HMX3: variants seen among roughly 807,000 people sequenced by gnomAD.
HMX3 encodes the protein homeobox protein HMX3.
A neutral mutation model predicts 22.8 loss-of-function variants in HMX3; 8 were observed. The ratio of observed to expected loss-of-function variants is 0.35; its 90% CI spans 0.21 to 0.63. The LOEUF (loss-of-function observed/expected upper bound fraction) is 0.63, where lower values mean the gene tolerates loss of function less well. HMX3 is among the 30% of genes least tolerant of loss of function. HMX3 has a pLI of 0.72. For missense variants in HMX3, 527 were observed against 520.6 expected (o/e 1.01, Z -0.12); for synonymous variants, 331 against 250.9 (o/e 1.32, Z -3.02).
rs2133550492 is a variant in HMX3 at position 123,138,230 on chromosome 10, ACCTCCG to A, written c.*505_*510del. 7.2e-6 allele frequency among the ~76,000 whole-genome samples: 1 copy of A among 139,110 alleles called. No homozygotes were observed. Among genetic ancestry groups the A allele is most frequent in the South Asian group, 2.3e-4 (1 of 4,428 alleles). The allele number at this position is 139,110 out of a possible 152,430, so 91.3% of individuals were successfully genotyped here. On this transcript the variant is annotated 3_prime_UTR_variant, in exon 2 of 2. Transcript: ENST00000357878. Reference sequence around the variant, plus strand: ...AGTGGCGCGATCTCGGCTCACTTCGACCTCCGCCTCCCGGGTTCAAGTGATTCTCCT... The same window carrying A: ...AGTGGCGCGATCTCGGCTCACTTCGACCTCCCGGGTTCAAGTGATTCTCCT...
rs1844079505 is a variant in HMX3 at position 123,136,671 on chromosome 10, C to T, written c.400+221C>T. Among the ~76,000 whole-genome samples the T allele has an allele frequency of 6.6e-6, 1 of 152,206 alleles. No homozygotes were observed. On this transcript the variant is annotated intron_variant, in intron 1 of 1. Transcript: ENST00000357878. The surrounding 1 kb of genome is among the most constrained non-coding windows in gnomAD (Gnocchi z 4.8). ...TGGAATTGGAGCCCCGGGCACGGTGCTTCCCGGGAAAAGTGGCCTCGGGCG... is the reference window on the plus strand; with the variant it reads ...TGGAATTGGAGCCCCGGGCACGGTGTTTCCCGGGAAAAGTGGCCTCGGGCG...
At position 123,136,356 on chromosome 10, in the gene HMX3, G is replaced by A. The variant is rs780845468; in HGVS notation, c.306G>A (p.Arg102=). ...AFPRFEIPAQ[R]FALPAHYLER... is the part of the protein sequence containing the mutation. Reference sequence around the variant, plus strand: ...CTCGCTTTGAGATCCCGGCGCAGAGGTTTGCCCTGCCCGCGCACTACCTGG... The same window carrying A: ...CTCGCTTTGAGATCCCGGCGCAGAGATTTGCCCTGCCCGCGCACTACCTGG... Residue 102 remains arginine (R), a synonymous_variant, in exon 1 of 2, where the codon AGG becomes AGA. Transcript: ENST00000357878. This position sits in a 1 kb window ranked among gnomAD's most constrained non-coding sequence, Gnocchi z 4.8. 6.4e-7 allele frequency: 1 copy of A among 1,571,580 alleles called. No individual in the cohort carries two copies. The highest frequency in any genetic ancestry group is 1.2e-5 in the South Asian group (1 of 86,760).
Position 123,136,200 on chromosome 10 carries a change from G to T in HMX3, c.150G>T (p.Pro50=). Residue 50 remains proline (P), a synonymous_variant, in exon 1 of 2, where the codon CCG becomes CCT. Coordinates refer to ENST00000357878, the MANE Select transcript of HMX3 (RefSeq NM_001105574.2). The surrounding 1 kb of genome is among the most constrained non-coding windows in gnomAD (Gnocchi z 4.8). ...DHHRPPPKPQ[P]PPRTLFAPAS... ...ACCGGCCGCCCCCTAAGCCTCAGCC[G>T]CCCCCACGGACGCTCTTCGCGCCAG... is the stretch of plus-strand genomic sequence containing the variant. The T allele has an allele frequency of 7.8e-7, 1 of 1,275,576 alleles. No homozygotes were observed. 79.0% of individuals were successfully genotyped at this position (1,275,576 alleles called of 1,614,324 possible). A position where few individuals can be genotyped will look rare whatever the true frequency, so the allele number is the denominator to read the frequency against.
Position 123,136,732 on chromosome 10 carries a change from C to G in HMX3, c.400+282C>G, listed in dbSNP as rs1187929781. Among the ~76,000 whole-genome samples the G allele has an allele frequency of 2.6e-5, 4 of 152,048 alleles. No individual in the cohort carries two copies. Among genetic ancestry groups the G allele is most frequent in the Non-Finnish European group, 4.4e-5 (3 of 67,984 alleles). Reference sequence around the variant, plus strand: ...GGCTTCGGACGGCCGGGGCTTGGGACACGGCCTGGAAGGAGGGGGTGATTC... The same window carrying G: ...GGCTTCGGACGGCCGGGGCTTGGGAGACGGCCTGGAAGGAGGGGGTGATTC... On this transcript the variant is annotated intron_variant, in intron 1 of 1. Transcript: ENST00000357878. The surrounding 1 kb of genome is among the most constrained non-coding windows in gnomAD (Gnocchi z 4.8).
chr10:123,137,698 G>C lies in HMX3; in HGVS notation c.1041G>C (p.Val347=), dbSNP rs1025628892. Reference sequence around the variant, plus strand: ...ACCCCGTCTACTACTCGCACCCGGTGGTCTCTTCCGTGCCGCTGCTACGGC... The same window carrying C: ...ACCCCGTCTACTACTCGCACCCGGTCGTCTCTTCCGTGCCGCTGCTACGGC... ...FPHPVYYSHP[V]VSSVPLLRPV is the part of the protein sequence containing the mutation. Residue 347 remains valine (V), a synonymous_variant, in exon 2 of 2, where the codon GTG becomes GTC. Coordinates refer to ENST00000357878, the MANE Select transcript of HMX3 (RefSeq NM_001105574.2). The surrounding 1 kb of genome is among the most constrained non-coding windows in gnomAD (Gnocchi z 5.8). The C allele has an allele frequency of 2.7e-6, 4 of 1,464,566 alleles. No individual in the cohort carries two copies. The highest frequency in any genetic ancestry group is 5.3e-5 in the Admixed American group (2 of 37,962). 90.7% of individuals were successfully genotyped at this position (1,464,566 alleles called of 1,614,324 possible).
chr10:123,136,139 C>T lies in HMX3; in HGVS notation c.89C>T (p.Pro30Leu). Residue 30 changes from proline (P) to leucine (L), a missense_variant, in exon 1 of 2, where the codon CCG (proline) becomes CTG (leucine). Physicochemically the swap from Pro to Leu is moderately conservative, Grantham distance 98. Around this residue, in one of 3 missense-constraint regions of HMX3, gnomAD observed 386 missense variants for 337.8 expected, o/e 1.14. Transcript: ENST00000357878. This position sits in a 1 kb window ranked among gnomAD's most constrained non-coding sequence, Gnocchi z 4.8. ...CCCCCACCCGCTCCCAAGGAGTCCC[C>T]GTTCTCCATCAAGAACCTGCTCAAC... ...PPPPPAPKES[P>L]FSIKNLLNGD... 1 of 1,410,354 alleles carries T rather than the reference C, an allele frequency of 7.1e-7. No individual in the cohort carries two copies. The highest frequency in any genetic ancestry group is 1.7e-5 in the South Asian group (1 of 60,602). The allele number at this position is 1,410,354 out of a possible 1,614,324, so 87.4% of individuals were successfully genotyped here. A position where few individuals can be genotyped will look rare whatever the true frequency, so the allele number is the denominator to read the frequency against.
rs570489977 is a variant in HMX3, at chr10:123,136,510, G to A, written c.400+60G>A. 6 of 1,243,498 alleles carry A rather than the reference G, an allele frequency of 4.8e-6. No individual in the cohort carries two copies. The highest frequency in any genetic ancestry group is 3.8e-5 in the Admixed American group (1 of 26,274). 77.0% of individuals were successfully genotyped at this position (1,243,498 alleles called of 1,614,324 possible). On this transcript the variant is annotated intron_variant, in intron 1 of 1. Coordinates refer to ENST00000357878, the MANE Select transcript of HMX3 (RefSeq NM_001105574.2). This position sits in a 1 kb window ranked among gnomAD's most constrained non-coding sequence, Gnocchi z 4.8. ...TGCGCGCCCGCCCCGTCCCCGCCCC[G>A]CGCTGCTTCCCTCCGCAGTTCTGGG... is the stretch of plus-strand genomic sequence containing the variant.
Position 123,136,251 on chromosome 10 carries a change from T to TGCCGCTGCCGCG in HMX3, c.204_215dup (p.Ala70_Ala73dup). The TGCCGCTGCCGCG allele has an allele frequency of 3.0e-6, 4 of 1,353,718 alleles. No individual in the cohort carries two copies. In the Admixed American group the frequency reaches 1.2e-4, roughly 40 times the overall value. 83.9% of individuals were successfully genotyped at this position (1,353,718 alleles called of 1,614,324 possible). A position where few individuals can be genotyped will look rare whatever the true frequency, so the allele number is the denominator to read the frequency against. ...CCTCGGCTGCCGCCGCCGCCGCCGC[T>TGCCGCTGCCGCG]GCCGCTGCCGCGGCGGCCAAGGGGG... On this transcript the variant is annotated inframe_insertion, in exon 1 of 2. Transcript: ENST00000357878. This position sits in a 1 kb window ranked among gnomAD's most constrained non-coding sequence, Gnocchi z 4.8.
In HMX3 at chr10:123,136,965, G is replaced by A; in HGVS notation, c.401-93G>A. 2 of 1,418,380 alleles carry A rather than the reference G, an allele frequency of 1.4e-6. No homozygotes were observed. Among genetic ancestry groups the A allele is most frequent in the Non-Finnish European group, 1.9e-6 (2 of 1,071,708 alleles). The allele number at this position is 1,418,380 out of a possible 1,614,324, so 87.9% of individuals were successfully genotyped here. On this transcript the variant is annotated intron_variant, in intron 1 of 1. Coordinates refer to ENST00000357878, the MANE Select transcript of HMX3 (RefSeq NM_001105574.2). The surrounding 1 kb of genome is among the most constrained non-coding windows in gnomAD (Gnocchi z 4.8). ...CCTCATGGCCTGGGACCTGGAGGCC[G>A]GCGCGGGTTGAGCCTGCCGTCCCCA...
rs1456528864 is a variant in HMX3, at chr10:123,138,306, C to A, written c.*575C>A. On this transcript the variant is annotated 3_prime_UTR_variant, in exon 2 of 2. Coordinates refer to ENST00000357878, the MANE Select transcript of HMX3 (RefSeq NM_001105574.2). ...CTGGGATTGCAGGTGTGTGCCACCA[C>A]GTCCGGCTAATTTTTGTATTTTTAG... Among the ~76,000 whole-genome samples the A allele has an allele frequency of 1.3e-5, 2 of 151,990 alleles. No individual in the cohort carries two copies. The highest frequency in any genetic ancestry group is 2.4e-5 in the African/African-American group (1 of 41,366).
chr10:123,136,068 G>T lies in HMX3; in HGVS notation c.18G>T (p.Pro6=). The T allele has an allele frequency of 7.2e-7, 1 of 1,392,732 alleles. No homozygotes were observed. Among genetic ancestry groups the T allele is most frequent in the Non-Finnish European group, 9.3e-7 (1 of 1,071,576 alleles). The allele number at this position is 1,392,732 out of a possible 1,614,324, so 86.3% of individuals were successfully genotyped here. Residue 6 remains proline (P), a synonymous_variant, in exon 1 of 2, where the codon CCG becomes CCT. Coordinates refer to ENST00000357878, the MANE Select transcript of HMX3 (RefSeq NM_001105574.2). The surrounding 1 kb of genome is among the most constrained non-coding windows in gnomAD (Gnocchi z 4.8). MPEPG[P]DAAGTASAQP... The stretch of plus-strand genomic sequence containing the variant: ...AGGGGACCATGCCGGAACCCGGGCC[G>T]GACGCTGCCGGCACCGCCAGCGCAC...
Position 123,137,265 on chromosome 10 carries a change from C to T in HMX3, c.608C>T (p.Ala203Val), listed in dbSNP as rs1462108156. The T allele has an allele frequency of 6.3e-7, 1 of 1,591,532 alleles. No homozygotes were observed. Among genetic ancestry groups the T allele is most frequent in the Non-Finnish European group, 8.6e-7 (1 of 1,169,310 alleles). Residue 203 changes from alanine to valine, a missense_variant, in exon 2 of 2, where the codon GCG becomes GTG. Coordinates refer to ENST00000357878, the MANE Select transcript of HMX3 (RefSeq NM_001105574.2). This position sits in a 1 kb window ranked among gnomAD's most constrained non-coding sequence, Gnocchi z 5.8. The stretch of plus-strand genomic sequence containing the variant: ...GCGGCCGGGGCGAGCGTAGGGGCGG[C>T]GGCGGCCACTCCGGGCGCAGAAGAC... Reference protein sequence around the residue: ...PGAAGASVGAAAATPGAEDWK... With the variant: ...PGAAGASVGAVAATPGAEDWK...
At position 123,137,569 on chromosome 10, in the gene HMX3, G is replaced by A; in HGVS notation, c.912G>A (p.Val304=). The A allele has an allele frequency of 6.2e-7, 1 of 1,607,500 alleles. No individual in the cohort carries two copies. The highest frequency in any genetic ancestry group is 2.2e-5 in the East Asian group (1 of 44,790). ...NLSHAAAQRI[V]RVPILYHENS... ...GCCATGCCGCGGCGCAGCGCATCGT[G>A]CGGGTGCCCATCCTCTACCACGAGA... Residue 304 remains valine, a synonymous_variant, in exon 2 of 2, where the codon GTG becomes GTA. Transcript: ENST00000357878. This position sits in a 1 kb window ranked among gnomAD's most constrained non-coding sequence, Gnocchi z 5.8.
rs1362565126 is a variant in HMX3, at chr10:123,136,071, C to A, written c.21C>A (p.Asp7Glu). 7.2e-6 allele frequency: 10 copies of A among 1,397,008 alleles called. No individual in the cohort carries two copies. Among genetic ancestry groups the A allele is most frequent in the Non-Finnish European group, 9.3e-6 (10 of 1,073,996 alleles). The allele number at this position is 1,397,008 out of a possible 1,614,324, so 86.5% of individuals were successfully genotyped here. A position where few individuals can be genotyped will look rare whatever the true frequency, so the allele number is the denominator to read the frequency against. The change falls in exon 1 of 2, where the codon GAC (aspartate) becomes GAA (glutamate). Residue 7 changes from aspartate (D) to glutamate (E), a missense_variant. Around this residue, in one of 3 missense-constraint regions of HMX3, gnomAD observed 386 missense variants for 337.8 expected, o/e 1.14. Coordinates refer to ENST00000357878, the MANE Select transcript of HMX3 (RefSeq NM_001105574.2). The surrounding 1 kb of genome is among the most constrained non-coding windows in gnomAD (Gnocchi z 4.8). MPEPGP[D>E]AAGTASAQPQ... ...GGACCATGCCGGAACCCGGGCCGGA[C>A]GCTGCCGGCACCGCCAGCGCACAGC...
In HMX3 at chr10:123,137,259, G is replaced by C. The variant is rs758357440; in HGVS notation, c.602G>C (p.Gly201Ala). 6.3e-7 allele frequency: 1 copy of C among 1,591,122 alleles called. No individual in the cohort carries two copies. Among genetic ancestry groups the C allele is most frequent in the East Asian group, 2.3e-5 (1 of 43,702 alleles). The change falls in exon 2 of 2, where the codon GGG (glycine) becomes GCG (alanine). Residue 201 changes from glycine (G) to alanine (A), a missense_variant. Around this residue, in one of 3 missense-constraint regions of HMX3, gnomAD observed 386 missense variants for 337.8 expected, o/e 1.14. Transcript: ENST00000357878. The surrounding 1 kb of genome is among the most constrained non-coding windows in gnomAD (Gnocchi z 5.8). The part of the protein sequence containing the change: ...AAPGAAGASV[G>A]AAAATPGAED... ...CCAGGCGCGGCCGGGGCGAGCGTAG[G>C]GGCGGCGGCGGCCACTCCGGGCGCA...
rs533272783 is a variant in HMX3 at position 123,137,939 on chromosome 10, C to T, written c.*208C>T. Reference sequence around the variant, plus strand: ...CAATTCATCCCTAATGGATTGGAGGCGCTTCCCCTCTTACTTTTGGTTTTT... The same window carrying T: ...CAATTCATCCCTAATGGATTGGAGGTGCTTCCCCTCTTACTTTTGGTTTTT... On this transcript the variant is annotated 3_prime_UTR_variant, in exon 2 of 2. Coordinates refer to ENST00000357878, the MANE Select transcript of HMX3 (RefSeq NM_001105574.2). This position sits in a 1 kb window ranked among gnomAD's most constrained non-coding sequence, Gnocchi z 5.8. Among the ~76,000 whole-genome samples the T allele has an allele frequency of 3.4e-4, 52 of 152,288 alleles. No individual in the cohort carries two copies. The highest frequency in any genetic ancestry group is 4.4e-4 in the Non-Finnish European group (30 of 68,016).
rs989781466 is a variant in HMX3 at position 123,136,762 on chromosome 10, G to A, written c.401-296G>A. 2.0e-5 allele frequency among the ~76,000 whole-genome samples: 3 copies of A among 152,102 alleles called. No individual in the cohort carries two copies. The highest frequency in any genetic ancestry group is 7.2e-5 in the African/African-American group (3 of 41,408). On this transcript the variant is annotated intron_variant, in intron 1 of 1. Coordinates refer to ENST00000357878, the MANE Select transcript of HMX3 (RefSeq NM_001105574.2). The surrounding 1 kb of genome is among the most constrained non-coding windows in gnomAD (Gnocchi z 4.8). ...CCTGGAAGGAGGGGGTGATTCCAATGCGCCTAAGCCGAAAGGGAACCGTTC... is the reference window on the plus strand; with the variant it reads ...CCTGGAAGGAGGGGGTGATTCCAATACGCCTAAGCCGAAAGGGAACCGTTC...
chr10:123,136,094 A>G lies in HMX3; in HGVS notation c.44A>G (p.Gln15Arg). 7.2e-7 allele frequency: 1 copy of G among 1,396,314 alleles called. No homozygotes were observed. The highest frequency in any genetic ancestry group is 9.3e-7 in the Non-Finnish European group (1 of 1,074,496). 86.5% of individuals were successfully genotyped at this position (1,396,314 alleles called of 1,614,324 possible). Residue 15 changes from glutamine (Q) to arginine (R), a missense_variant, in exon 1 of 2, where the codon CAG becomes CGG. This residue lies in a region of HMX3 where 386 missense variants were observed against 337.8 expected (regional missense o/e 1.14). Transcript: ENST00000357878. This position sits in a 1 kb window ranked among gnomAD's most constrained non-coding sequence, Gnocchi z 4.8. The stretch of plus-strand genomic sequence containing the variant: ...GACGCTGCCGGCACCGCCAGCGCAC[A>G]GCCCCAACCGCCGCCGCCCCCCCCA... ...GPDAAGTASA[Q>R]PQPPPPPPPA...
chr10:123,137,801 C>A lies in HMX3; in HGVS notation c.*70C>A. 1.7e-6 allele frequency: 2 copies of A among 1,209,574 alleles called. No homozygotes were observed. Among genetic ancestry groups the A allele is most frequent in the Non-Finnish European group, 2.2e-6 (2 of 918,424 alleles). The allele number at this position is 1,209,574 out of a possible 1,614,324, so 74.9% of individuals were successfully genotyped here. ...GACCCCGGAGGAGACTGGGCCGGGC[C>A]GAGGGCGCCGAGAAGTCCAGCGGCC... is the stretch of plus-strand genomic sequence containing the variant. On this transcript the variant is annotated 3_prime_UTR_variant, in exon 2 of 2. Transcript: ENST00000357878. The surrounding 1 kb of genome is among the most constrained non-coding windows in gnomAD (Gnocchi z 5.8).
Sources: allele counts gnomAD v4.1 joint callset (sites outside exome capture counted in the v4.1 genomes callset), GRCh38; gene constraint gnomAD v4.1.1; regional missense constraint gnomAD v4.1.1; non-coding constraint Gnocchi (gnomAD v3.1); transcripts MANE v1.5; gene names NCBI Gene and HGNC (gene_info 2026-07-23, HGNC 2026-07-21).